AK9: variants seen among roughly 807,000 people sequenced by gnomAD.
AK9 encodes adenylate kinase domain containing 1.
AK9 carries 191 observed loss-of-function variants against 239.6 expected under a neutral mutation model. That is an observed-to-expected ratio of 0.80 (90% CI 0.71 to 0.90). The LOEUF is 0.90. Among genes scored for constraint, AK9 ranks in the 40% least tolerant of loss-of-function variants. AK9 has a pLI of 0.00. For missense variants in AK9, 1,995 were observed against 2,214.7 expected, an observed-to-expected ratio of 0.90 and a Z score of 1.99; for synonymous variants, 689 against 721.0, an observed-to-expected ratio of 0.96 and a Z score of 0.71.
At chr6:109,667,121 C>T (rs1322317360) in intron 5 of AK9, among the ~76,000 whole-genome samples, 2 of 144,704 alleles carry the variant, frequency 1.4e-5, no homozygotes, top group Non-Finnish European at 3.0e-5. Flanking sequence ...AATTATAGAT[C>T]GTGTAGGCCC....
chr6:109,591,701 A>C (rs933091878), intron 17 of AK9, among the ~76,000 whole-genome samples: 17 of 152,074 alleles, frequency 1.1e-4, no homozygotes, highest in Non-Finnish European at 1.3e-4. Flanking sequence ...TTATGTTTAG[A>C]AGTCCTTTGA....
intron 17 of AK9, among the ~76,000 whole-genome samples, chr6:109,598,633 C>T (rs1395332596): frequency 6.6e-6 from 1 of 152,142 alleles, no homozygotes; most frequent in Non-Finnish European, 1.5e-5. Flanking sequence ...GTTCTAGATC[C>T]CTGAGGAATC....
At chr6:109,607,861 C>T (rs2128236647) in intron 17 of AK9, among the ~76,000 whole-genome samples, 1 of 150,354 alleles carries the variant, frequency 6.7e-6, no homozygotes, top group African/African-American at 2.4e-5. Flanking sequence ...CCTATAATAG[C>T]TAAGATAATC....
At chr6:109,667,336 A>C (rs1801347093) in intron 5 of AK9, among the ~76,000 whole-genome samples, 1 of 151,314 alleles carries the variant, frequency 6.6e-6, no homozygotes, top group Non-Finnish European at 1.5e-5. Context: ...ATTTTATTCC[A>C]TTAATCTCAT....
chr6:109,569,208 G>T (rs889337062), intron 21 of AK9, among the ~76,000 whole-genome samples: 1 of 152,110 alleles, frequency 6.6e-6, no homozygotes, highest in African/African-American at 2.4e-5. Context: ...AAATGGTGCT[G>T]GGAAAACTGG....
intron 12 of AK9, among the ~76,000 whole-genome samples, chr6:109,623,638 C>T (rs746058787): frequency 1.9e-4 from 29 of 152,020 alleles, no homozygotes; most frequent in African/African-American, 2.4e-4. Context: ...AGATCATAAA[C>T]GCTTATTGTT....
At chr6:109,537,195 C>G (rs9400290) in intron 27 of AK9, among the ~76,000 whole-genome samples, 88,343 of 151,728 alleles carry the variant, frequency 0.58, 27,415 homozygotes, top group East Asian at 0.84. Context: ...GCTCCTCCTT[C>G]TACCTCTGGT....
In AK9 at chr6:109,639,465, A is replaced by T. The variant is rs545602384; in HGVS notation, c.933+2053T>A. Among the ~76,000 whole-genome samples the T allele has an allele frequency of 2.2e-3, 324 of 150,670 alleles. 2 individuals are homozygous for T. Among genetic ancestry groups the T allele is most frequent in the Non-Finnish European group, 3.9e-3 (266 of 67,536 alleles). On this transcript the variant is annotated intron_variant, in intron 10 of 40. Coordinates refer to ENST00000424296, the MANE Select transcript of AK9 (RefSeq NM_001145128.3). ...TAAATGTCTTCTTTTGAGAAGTGTCAGTTCATATCCTTTGCCCACTTTTTG... is the reference window on the plus strand; with the variant it reads ...TAAATGTCTTCTTTTGAGAAGTGTCTGTTCATATCCTTTGCCCACTTTTTG...
intron 26 of AK9, among the ~76,000 whole-genome samples, chr6:109,544,664 A>G (rs974568977): frequency 3.3e-5 from 5 of 152,200 alleles, no homozygotes; most frequent in Non-Finnish European, 7.3e-5. Flanking sequence ...TGCTTCCTGT[A>G]TGGCCTGAAG....
At chr6:109,623,425 G>A (rs1432605957) in intron 12 of AK9, among the ~76,000 whole-genome samples, 1 of 151,174 alleles carries the variant, frequency 6.6e-6, no homozygotes, top group Non-Finnish European at 1.5e-5. Flanking sequence ...CAGGTCATGA[G>A]GACACATAAG....
intron 8 of AK9, among the ~76,000 whole-genome samples, chr6:109,648,898 C>G (rs1055346051): frequency 6.6e-6 from 1 of 152,200 alleles, no homozygotes; most frequent in Non-Finnish European, 1.5e-5. Flanking sequence ...CCACCATGAT[C>G]AAGTGGGCTT....
chr6:109,678,544 G>T (rs1311207034), intron 1 of AK9, among the ~76,000 whole-genome samples: 2 of 152,128 alleles, frequency 1.3e-5, no homozygotes, highest in African/African-American at 4.8e-5. Context: ...AAAGGCACAA[G>T]ATTCCTCTAT....
At chr6:109,648,873 C>A (rs1382356874) in intron 8 of AK9, among the ~76,000 whole-genome samples, 2 of 152,256 alleles carry the variant, frequency 1.3e-5, no homozygotes, top group East Asian at 3.9e-4. Flanking sequence ...TCCAGCAGCA[C>A]ATCAAAAAGT....
At chr6:109,515,061 G>A (rs1156596678) in intron 31 of AK9, among the ~76,000 whole-genome samples, 1 of 152,194 alleles carries the variant, frequency 6.6e-6, no homozygotes, top group East Asian at 1.9e-4. Context: ...GTCTTGCCTT[G>A]TCAGAAAAAC....
At chr6:109,493,875 T>G in intron 40 of AK9, 106 bp downstream of exon 40, 1 of 836,576 alleles carries the variant, frequency 1.2e-6, no homozygotes, top group Non-Finnish European at 1.9e-6. Context: ...CACTCTCTCT[T>G]TCTCTCTCAC....
intron 1 of AK9, among the ~76,000 whole-genome samples, chr6:109,687,165 G>T (rs1275583066): frequency 6.6e-6 from 1 of 152,300 alleles, no homozygotes; most frequent in South Asian, 2.1e-4. Context: ...TTCCTGGCAG[G>T]CAGAGCTTTA....
intron 12 of AK9, among the ~76,000 whole-genome samples, chr6:109,629,921 C>G (rs1159693087): frequency 6.6e-6 from 1 of 152,108 alleles, no homozygotes; most frequent in Non-Finnish European, 1.5e-5. Flanking sequence ...GCGTGAGCCA[C>G]CGGGAGATAT....
intron 17 of AK9, among the ~76,000 whole-genome samples, chr6:109,605,710 C>G (rs1792766314): frequency 6.6e-6 from 1 of 152,080 alleles, no homozygotes; most frequent in Non-Finnish European, 1.5e-5. Flanking sequence ...CCAAGTTGCT[C>G]AAGTTCAGGA....
At chr6:109,623,583 T>C (rs1261345664) in intron 12 of AK9, among the ~76,000 whole-genome samples, 2 of 152,114 alleles carry the variant, frequency 1.3e-5, no homozygotes, top group African/African-American at 4.8e-5. Flanking sequence ...GACAGAACCA[T>C]GTAGCTAAGC....
Sources: gnomAD v4.1 joint callset for allele counts (sites outside exome capture counted in the v4.1 genomes callset) on GRCh38, gnomAD v4.1.1 for gene constraint, MANE v1.5 for transcripts, NCBI Gene and HGNC (gene_info 2026-07-23, HGNC 2026-07-21) for gene names.